GHR: variants seen among roughly 807,000 people sequenced by gnomAD.
GHR encodes growth hormone receptor, also known as GH receptor.
In GHR, 35 loss-of-function variants were observed where a neutral mutation model predicts 67.1. That is an observed-to-expected ratio of 0.52 (90% CI 0.40 to 0.69). The LOEUF is 0.69. Among genes scored for constraint, GHR ranks in the 30% least tolerant of loss-of-function variants. GHR has a pLI of 0.00. For synonymous variants in GHR, 272 were observed against 269.1 expected (o/e 1.01, Z -0.10); for missense variants, 792 against 764.6 (o/e 1.04, Z -0.42).
In GHR at chr5:42,620,761, C is replaced by T. The variant is rs148176139; in HGVS notation, c.71-8277C>T. ...CTGGGAAGAGAAGGTGGCTCCAGCA[C>T]GCTACCTATGAGTCACCAGCTGAGC... On this transcript the variant is annotated intron_variant, in intron 2 of 9. Transcript: ENST00000230882. Among the ~76,000 whole-genome samples the T allele has an allele frequency of 2.5e-4, 38 of 152,250 alleles. No homozygotes were observed. In the East Asian group the frequency reaches 6.0e-3, roughly 24 times the overall value.
Position 42,713,434 on chromosome 5 carries a change from T to C in GHR, c.790T>C (p.Tyr264His), listed in dbSNP as rs1309215454. 2.2e-6 allele frequency: 3 copies of C among 1,363,802 alleles called. No individual in the cohort carries two copies. Among genetic ancestry groups the C allele is most frequent in the Admixed American group, 3.4e-5 (2 of 59,668 alleles). 84.5% of individuals were successfully genotyped at this position (1,363,802 alleles called of 1,614,324 possible). A position where few individuals can be genotyped will look rare whatever the true frequency, so the allele number is the denominator to read the frequency against. Reference protein sequence around the residue: ...MSQFTCEEDFYFPWLLIIIFG... With the variant: ...MSQFTCEEDFHFPWLLIIIFG... ...AATATTCTTGTGTGTTTCAGATTTC[T>C]ACTTTCCATGGCTCTTAATTATTAT... The change falls in exon 8 of 10, where the codon TAC becomes CAC. Residue 264 changes from tyrosine (Y) to histidine (H), a missense_variant. Coordinates refer to ENST00000230882, the MANE Select transcript of GHR (RefSeq NM_000163.5).
chr5:42,556,680 C>G (rs979942234), intron 1 of GHR, among the ~76,000 whole-genome samples: 1 of 152,174 alleles, frequency 6.6e-6, no homozygotes, highest in African/African-American at 2.4e-5. Flanking sequence ...TTTCATGTAA[C>G]AATCACATCT....
At chr5:42,500,703 A>C (rs1746505052) in intron 1 of GHR, among the ~76,000 whole-genome samples, 1 of 152,212 alleles carries the variant, frequency 6.6e-6, no homozygotes, top group Non-Finnish European at 1.5e-5. Context: ...CAGAGAACTC[A>C]AAATAGTAAG....
intron 4 of GHR, among the ~76,000 whole-genome samples, chr5:42,690,448 C>G (rs1426787059): frequency 6.6e-6 from 1 of 152,082 alleles, no homozygotes; most frequent in Non-Finnish European, 1.5e-5. Flanking sequence ...ATAATAAGTA[C>G]TCACTAAATG....
intron 1 of GHR, among the ~76,000 whole-genome samples, chr5:42,450,001 T>C (rs1743978746): frequency 6.6e-6 from 1 of 152,192 alleles, no homozygotes; most frequent in African/African-American, 2.4e-5. Flanking sequence ...GAAACCCGCT[T>C]GATCATGATG....
At chr5:42,614,685 T>C (rs543832402) in intron 2 of GHR, among the ~76,000 whole-genome samples, 4 of 147,968 alleles carry the variant, frequency 2.7e-5, no homozygotes, top group Non-Finnish European at 5.9e-5. Context: ...TTCTGAGTCA[T>C]TTAGTAAGAA....
chr5:42,691,231 T>G (rs1017730532), intron 4 of GHR, among the ~76,000 whole-genome samples: 1 of 152,216 alleles, frequency 6.6e-6, no homozygotes, highest in African/African-American at 2.4e-5. Flanking sequence ...TTTGCCCTGG[T>G]AGTGTTTGGA....
chr5:42,561,343 A>G (rs978780722), intron 1 of GHR, among the ~76,000 whole-genome samples: 52 of 152,188 alleles, frequency 3.4e-4, no homozygotes, highest in African/African-American at 9.4e-4. Flanking sequence ...TTGCTTTTGC[A>G]TTAATCTCCA....
At chr5:42,500,476 C>T (rs949230423) in intron 1 of GHR, among the ~76,000 whole-genome samples, 2 of 152,138 alleles carry the variant, frequency 1.3e-5, no homozygotes, top group Admixed American at 6.5e-5. Context: ...AGGGTTGTTA[C>T]GAGGATAAAA....
chr5:42,659,177 C>G (rs374170928), intron 3 of GHR: 2 of 152,088 alleles, frequency 1.3e-5, no homozygotes, highest in African/African-American at 4.8e-5. Flanking sequence ...ACTGTATAAG[C>G]AGGTATTTTG....
chr5:42,664,470 C>T (rs1755841157), intron 3 of GHR, among the ~76,000 whole-genome samples: 1 of 152,110 alleles, frequency 6.6e-6, no homozygotes, highest in African/African-American at 2.4e-5. Context: ...CTTTGACAAA[C>T]CTGAGAAAAA....
chr5:42,596,356 TA>T (rs1414447141), intron 2 of GHR, among the ~76,000 whole-genome samples: 2 of 151,840 alleles, frequency 1.3e-5, no homozygotes, highest in Non-Finnish European at 1.5e-5. Flanking sequence ...TAAATTGCTT[TA>T]AGAATGTTTT....
intron 3 of GHR, among the ~76,000 whole-genome samples, chr5:42,672,222 A>G (rs1372855083): frequency 6.6e-6 from 1 of 152,214 alleles, no homozygotes; most frequent in East Asian, 1.9e-4. Flanking sequence ...TACTGACTAT[A>G]TAATTCTATG....
intron 5 of GHR, among the ~76,000 whole-genome samples, chr5:42,695,627 G>C (rs749708132): frequency 1.3e-5 from 2 of 152,134 alleles, no homozygotes; most frequent in Non-Finnish European, 2.9e-5. Context: ...GAGACAATCA[G>C]CTCAGTGAAC....
chr5:42,610,197 G>A (rs908434658), intron 2 of GHR, among the ~76,000 whole-genome samples: 5 of 152,176 alleles, frequency 3.3e-5, no homozygotes, highest in Non-Finnish European at 5.9e-5. Context: ...CAAAGAAAAT[G>A]TCCTGGATGC....
At position 42,719,451 on chromosome 5, in the gene GHR, G is replaced by A. The variant is rs894054224; in HGVS notation, c.*27G>A. 5 of 1,602,390 alleles carry A rather than the reference G, an allele frequency of 3.1e-6. No homozygotes were observed. Among genetic ancestry groups the A allele is most frequent in the Non-Finnish European group, 4.3e-6 (5 of 1,175,386 alleles). ...CTTTCTTTGGTTTCCCAAGAGCTAC[G>A]TATTTAATAGCAAAGAATTGACTGG... On this transcript the variant is annotated 3_prime_UTR_variant, in exon 10 of 10. Transcript: ENST00000230882.
At chr5:42,659,925 G>C (rs559528426) in intron 3 of GHR, among the ~76,000 whole-genome samples, 1 of 151,696 alleles carries the variant, frequency 6.6e-6, no homozygotes, top group Non-Finnish European at 1.5e-5. Context: ...CTTTTCTGAC[G>C]GGCTTAAAAA....
In GHR at chr5:42,424,487, A is replaced by ACAGCGCGCAGAGCGCGTGGACC; in HGVS notation, c.-12+548_-12+549insTGGACCCAGCGCGCAGAGCGCG. 1 of 995,080 alleles carries ACAGCGCGCAGAGCGCGTGGACC rather than the reference A, an allele frequency of 1.0e-6. No homozygotes were observed. The highest frequency in any genetic ancestry group is 1.4e-5 in the South Asian group (1 of 73,076). The allele number at this position is 995,080 out of a possible 1,614,324, so 61.6% of individuals were successfully genotyped here. A position where few individuals can be genotyped will look rare whatever the true frequency, so the allele number is the denominator to read the frequency against. ...GGGAGGTCGAGCTGTGCGCGTGGAC[A>ACAGCGCGCAGAGCGCGTGGACC]CAGCGCGCAGAGCGCGCGGTCTTTT... is the stretch of plus-strand genomic sequence containing the variant. On this transcript the variant is annotated intron_variant, in intron 1 of 9. Coordinates refer to ENST00000230882, the MANE Select transcript of GHR (RefSeq NM_000163.5). This position sits in a 1 kb window ranked among gnomAD's most constrained non-coding sequence, Gnocchi z 4.1.
At chr5:42,635,938 C>T (rs1290387171) in intron 3 of GHR, among the ~76,000 whole-genome samples, 4 of 151,776 alleles carry the variant, frequency 2.6e-5, no homozygotes, top group East Asian at 1.9e-4. Context: ...AGGCCAGACG[C>T]GGTGGCTCAT....
Sources: gnomAD v4.1 joint callset for allele counts (sites outside exome capture counted in the v4.1 genomes callset) on GRCh38, gnomAD v4.1.1 for gene constraint, Gnocchi (gnomAD v3.1) non-coding constraint, MANE v1.5 for transcripts, NCBI Gene and HGNC (gene_info 2026-07-23, HGNC 2026-07-21) for gene names.